The following ASAP2 variants were observed in gnomAD, a reference collection of about 807,000 sequenced individuals.
ASAP2 encodes arf-GAP with SH3 domain, ANK repeat and PH domain-containing protein 2.
A neutral mutation model predicts 131.4 loss-of-function variants in ASAP2; 45 were observed. That is an observed-to-expected ratio of 0.34 (90% CI 0.27 to 0.44). The LOEUF (loss-of-function observed/expected upper bound fraction) is 0.44, where lower values mean the gene tolerates loss of function less well. Among genes scored for constraint, ASAP2 ranks in the 20% least tolerant of loss-of-function variants. The pLI, the probability that ASAP2 is intolerant of heterozygous loss-of-function variation, is 1.00. For missense variants in ASAP2, 1,011 were observed against 1,297.0 expected, an observed-to-expected ratio of 0.78 and a Z score of 3.39; for synonymous variants, 510 against 503.0, an observed-to-expected ratio of 1.01 and a Z score of -0.19.
chr2:9,325,522 C>T (rs547282640), intron 6 of ASAP2, among the ~76,000 whole-genome samples: 4 of 152,304 alleles, frequency 2.6e-5, no homozygotes, highest in South Asian at 2.1e-4. Flanking sequence ...AAGTAGACAT[C>T]TATTTACCTA....
At position 9,393,573 on chromosome 2, in the gene ASAP2, G is replaced by A; in HGVS notation, c.2610G>A (p.Gly870=). ...LSQPSKPAPP[G]ISQIRPPPLP... ...AGCCGAGCAAGCCTGCCCCGCCTGG[G>A]ATCTCACAGATCAGGCCCCCACCTC... is the stretch of plus-strand genomic sequence containing the variant. Residue 870 remains glycine (G), a synonymous_variant, in exon 24 of 28, where the codon GGG becomes GGA. Transcript: ENST00000281419. 1 of 1,598,304 alleles carries A rather than the reference G, an allele frequency of 6.3e-7. No individual in the cohort carries two copies. The highest frequency in any genetic ancestry group is 8.5e-7 in the Non-Finnish European group (1 of 1,173,680).
chr2:9,312,277 T>G (rs1029068412), intron 3 of ASAP2, among the ~76,000 whole-genome samples: 1 of 152,244 alleles, frequency 6.6e-6, no homozygotes, highest in Non-Finnish European at 1.5e-5. Flanking sequence ...GTTTCCTATT[T>G]TGGATAATTT....
At chr2:9,368,334 A>AT in intron 15 of ASAP2, 91 bp from the exon 16 acceptor site, 2 of 1,185,828 alleles carry the variant, frequency 1.7e-6, no homozygotes, top group Non-Finnish European at 2.5e-6. Flanking sequence ...CTTAGTGGCC[A>AT]TTAAATAAAT....
At chr2:9,221,465 G>C (rs370632027) in intron 1 of ASAP2, among the ~76,000 whole-genome samples, 6 of 150,974 alleles carry the variant, frequency 4.0e-5, no homozygotes, top group Non-Finnish European at 7.4e-5. Context: ...TCATTTTCTT[G>C]TCTTTAATTT....
intron 15 of ASAP2, among the ~76,000 whole-genome samples, chr2:9,365,305 G>A (rs1673382474): frequency 1.3e-5 from 2 of 152,134 alleles, no homozygotes; most frequent in African/African-American, 4.8e-5. Flanking sequence ...CACCCTTCGG[G>A]GATCCAAGGG....
At chr2:9,302,137 T>TTTC (rs1351935131) in intron 3 of ASAP2, among the ~76,000 whole-genome samples, 1 of 146,718 alleles carries the variant, frequency 6.8e-6, no homozygotes, top group Non-Finnish European at 1.5e-5. Context: ...TTTTTTTTTT[T>TTTC]TTCCCAAACA....
At chr2:9,351,011 C>G (rs903170908) in intron 12 of ASAP2, 116 bp downstream of exon 12, 1 of 753,556 alleles carries the variant, frequency 1.3e-6, no homozygotes, top group African/African-American at 1.7e-5. Flanking sequence ...AGAGACATAC[C>G]CTTTTTCTAG....
At chr2:9,320,871 T>C (rs1044793984) in intron 5 of ASAP2, among the ~76,000 whole-genome samples, 5 of 152,224 alleles carry the variant, frequency 3.3e-5, no homozygotes, top group Admixed American at 3.3e-4. Context: ...CTACGGTTTC[T>C]ACAAGAAGTA....
intron 1 of ASAP2, among the ~76,000 whole-genome samples, chr2:9,208,591 T>A (rs766754902): frequency 2.6e-5 from 4 of 152,192 alleles, no homozygotes; most frequent in Non-Finnish European, 5.9e-5. Context: ...TGGGTAGCCT[T>A]CCTTCTCTCC....
chr2:9,393,600 G>T lies in ASAP2; in HGVS notation c.2637G>T (p.Leu879=). 1 of 1,590,912 alleles carries T rather than the reference G, an allele frequency of 6.3e-7. No individual in the cohort carries two copies. ...TCTCACAGATCAGGCCCCCACCTCT[G>T]CCCCCACAGCCGCCCAGCCGCCTCC... is the stretch of plus-strand genomic sequence containing the variant. ...PGISQIRPPP[L]PPQPPSRLPQ... The change falls in exon 24 of 28, where the codon CTG becomes CTT. Residue 879 remains leucine, a synonymous_variant. Coordinates refer to ENST00000281419, the MANE Select transcript of ASAP2 (RefSeq NM_003887.3).
At chr2:9,242,969 CT>C (rs1325273136) in intron 1 of ASAP2, among the ~76,000 whole-genome samples, 7 of 152,124 alleles carry the variant, frequency 4.6e-5, no homozygotes, top group African/African-American at 1.7e-4. Context: ...GCGTTGTGTG[CT>C]TTCTTTATTT....
intron 1 of ASAP2, among the ~76,000 whole-genome samples, chr2:9,261,758 C>T (rs887430602): frequency 2.0e-5 from 3 of 152,156 alleles, no homozygotes; most frequent in Admixed American, 6.5e-5. Flanking sequence ...GGAGAGGCCC[C>T]GCTGGTGGTG....
intron 1 of ASAP2, among the ~76,000 whole-genome samples, chr2:9,273,519 C>T (rs564994107): frequency 1.3e-5 from 2 of 152,340 alleles, no homozygotes; most frequent in South Asian, 2.1e-4. Flanking sequence ...GAGTAATTCA[C>T]GCAGAGCCAG....
At chr2:9,297,102 C>G (rs1668196133) in intron 2 of ASAP2, among the ~76,000 whole-genome samples, 198 bp from the exon 3 acceptor site, 1 of 152,144 alleles carries the variant, frequency 6.6e-6, no homozygotes, top group Non-Finnish European at 1.5e-5. Context: ...GCATACCACA[C>G]TTGTTCTTTG....
At chr2:9,283,830 C>G (rs552453556) in intron 2 of ASAP2, among the ~76,000 whole-genome samples, 1 of 152,154 alleles carries the variant, frequency 6.6e-6, no homozygotes, top group Non-Finnish European at 1.5e-5. Flanking sequence ...AAGATGTCCA[C>G]TTTCTCCTCT....
At chr2:9,343,729 A>G (rs760095224) in intron 9 of ASAP2, among the ~76,000 whole-genome samples, 14 of 152,208 alleles carry the variant, frequency 9.2e-5, no homozygotes, top group Non-Finnish European at 1.3e-4. Flanking sequence ...TTACAGGCAT[A>G]AGCCACTGCG....
intron 1 of ASAP2, among the ~76,000 whole-genome samples, chr2:9,251,412 G>A (rs1176396042): frequency 6.6e-6 from 1 of 152,214 alleles, no homozygotes; most frequent in East Asian, 1.9e-4. Flanking sequence ...GGGGAATCTG[G>A]TTGAGTCTGG....
At chr2:9,263,091 G>A (rs916640038) in intron 1 of ASAP2, among the ~76,000 whole-genome samples, 2 of 151,978 alleles carry the variant, frequency 1.3e-5, no homozygotes, top group Non-Finnish European at 2.9e-5. Flanking sequence ...GCATCGCCAC[G>A]GCTGGAGGGC....
chr2:9,402,602 C>A (rs550269416), intron 27 of ASAP2, among the ~76,000 whole-genome samples: 2 of 152,286 alleles, frequency 1.3e-5, no homozygotes, highest in South Asian at 4.2e-4. Flanking sequence ...GTGGAAAATA[C>A]CTGCTCATTT....
Sources: allele counts gnomAD v4.1 joint callset (sites outside exome capture counted in the v4.1 genomes callset), GRCh38; gene constraint gnomAD v4.1.1; transcripts MANE v1.5; gene names NCBI Gene and HGNC (gene_info 2026-07-23, HGNC 2026-07-21).